The following HYCC2 variants were observed in gnomAD, a reference collection of about 807,000 sequenced individuals.
The protein encoded by HYCC2 is hyccin 2.
the HYCC2 span, among the ~76,000 whole-genome samples, chr2:201,033,778 C>T: frequency 1.3e-5 from 2 of 152,052 alleles, no homozygotes; most frequent in South Asian, 4.1e-4. Flanking sequence ...GGCTCAAGCA[C>T]TCTTCCCATC....
At chr2:201,068,494 A>C in the HYCC2 span, among the ~76,000 whole-genome samples, 1 of 152,156 alleles carries the variant, frequency 6.6e-6, no homozygotes. Context: ...GAACCAAATT[A>C]ATCAAGGGAA....
chr2:201,058,405 C>T, the HYCC2 span, among the ~76,000 whole-genome samples: 1 of 152,204 alleles, frequency 6.6e-6, no homozygotes, highest in African/African-American at 2.4e-5. Context: ...GTGATTTGGT[C>T]ACCAATAGAA....
chr2:201,043,374 C>A, the HYCC2 span, among the ~76,000 whole-genome samples: 1 of 149,886 alleles, frequency 6.7e-6, no homozygotes, highest in South Asian at 2.1e-4. Flanking sequence ...CCACTATTGT[C>A]CTATGACCCT....
chr2:200,982,140 A>G, the HYCC2 span, among the ~76,000 whole-genome samples: 2 of 152,176 alleles, frequency 1.3e-5, no homozygotes, highest in East Asian at 3.9e-4. Context: ...TAGGCATGTA[A>G]AACGACTAGG....
chr2:201,061,717 TACTG>T, the HYCC2 span, among the ~76,000 whole-genome samples: 7 of 152,252 alleles, frequency 4.6e-5, no homozygotes, highest in South Asian at 4.1e-4. Context: ...CAAATTATTT[TACTG>T]ACTGTCATTT....
At chr2:200,979,264 TACACACACACACACACAC>T in the HYCC2 span, 1 of 144,188 alleles carries the variant, frequency 6.9e-6, no homozygotes, top group African/African-American at 2.5e-5. Flanking sequence ...ATACACACCA[TACACACACACACACACAC>T]ACACACACAC....
chr2:201,039,520 C>A, the HYCC2 span, among the ~76,000 whole-genome samples: 1 of 152,190 alleles, frequency 6.6e-6, no homozygotes, highest in Admixed American at 6.5e-5. Flanking sequence ...GTAACACTAA[C>A]CTTGCCAAGG....
the HYCC2 span, chr2:200,975,430 A>G: frequency 6.6e-6 from 1 of 152,010 alleles, no homozygotes; most frequent in African/African-American, 2.4e-5. Flanking sequence ...GAGTTGTCCA[A>G]TTAAGTTCAT....
At chr2:201,052,944 A>G in the HYCC2 span, among the ~76,000 whole-genome samples, 1 of 152,160 alleles carries the variant, frequency 6.6e-6, no homozygotes, top group African/African-American at 2.4e-5. Flanking sequence ...AAGCCAGGAA[A>G]AGAAGCACCA....
the HYCC2 span, among the ~76,000 whole-genome samples, chr2:201,066,075 TTTC>T: frequency 6.6e-6 from 1 of 152,096 alleles, no homozygotes; most frequent in Non-Finnish European, 1.5e-5. Flanking sequence ...CATGTTTTCT[TTTC>T]TTTTTTTTTT....
chr2:201,070,627 G>A, the HYCC2 span, among the ~76,000 whole-genome samples: 1 of 151,880 alleles, frequency 6.6e-6, no homozygotes, highest in African/African-American at 2.4e-5. Context: ...ACTCCAGCCT[G>A]GGCAACAACA....
chr2:200,998,002 C>G, the HYCC2 span, among the ~76,000 whole-genome samples: 9 of 152,216 alleles, frequency 5.9e-5, no homozygotes, highest in Admixed American at 1.3e-4. Flanking sequence ...TGCCACTGCA[C>G]TCCAGCCCGG....
At chr2:201,067,862 C>A in the HYCC2 span, among the ~76,000 whole-genome samples, 1 of 152,176 alleles carries the variant, frequency 6.6e-6, no homozygotes, top group African/African-American at 2.4e-5. Context: ...TAGCACAGGT[C>A]TGAATCATGA....
chr2:201,016,959 T>G, the HYCC2 span: 27 of 1,599,058 alleles, frequency 1.7e-5, 1 homozygote, highest in South Asian at 2.8e-4. Context: ...AAAAAATACT[T>G]AAAATTTCCC....
the HYCC2 span, chr2:201,022,724 A>G: frequency 1.6e-6 from 1 of 639,382 alleles, no homozygotes; most frequent in Non-Finnish European, 2.5e-6. Context: ...CAGAAAGAAA[A>G]TTTTCCAGAT....
chr2:201,064,022 A>G, the HYCC2 span: 1 of 1,595,536 alleles, frequency 6.3e-7, no homozygotes, highest in Non-Finnish European at 8.5e-7. Context: ...CAGCAGTAGC[A>G]GTAGCTATGG....
At chr2:201,056,747 G>C in the HYCC2 span, among the ~76,000 whole-genome samples, 1 of 151,502 alleles carries the variant, frequency 6.6e-6, no homozygotes, top group Non-Finnish European at 1.5e-5. Flanking sequence ...TATTCAAAGC[G>C]TCTGTGGTAG....
chr2:201,070,228 G>A, the HYCC2 span, among the ~76,000 whole-genome samples: 1 of 151,960 alleles, frequency 6.6e-6, no homozygotes, highest in African/African-American at 2.4e-5. Flanking sequence ...TTTTAAATAA[G>A]ATAATTTAGT....
At chr2:201,036,167 C>T in the HYCC2 span, among the ~76,000 whole-genome samples, 2 of 152,200 alleles carry the variant, frequency 1.3e-5, no homozygotes, top group South Asian at 4.1e-4. Flanking sequence ...TTCCTGGACA[C>T]ATATACCCTC....
Sources: allele counts gnomAD v4.1 joint callset (sites outside exome capture counted in the v4.1 genomes callset), GRCh38; gene constraint gnomAD v4.1.1; transcripts MANE v1.5; gene names NCBI Gene and HGNC (gene_info 2026-07-23, HGNC 2026-07-21).